THOC2: variants seen among roughly 807,000 people sequenced by gnomAD.
THOC2 encodes THO complex subunit 2, also known as THO complex 2.
In THOC2, 10 loss-of-function variants were observed where a neutral mutation model predicts 128.4. That is an observed-to-expected ratio of 0.08 (90% CI 0.05 to 0.13). THOC2 has a LOEUF of 0.13. THOC2 is among the 10% of genes least tolerant of loss of function. The probability of loss-of-function intolerance (pLI) is 1.00; values close to 1 mark genes in which losing one functional copy is unlikely to be tolerated. For missense variants in THOC2, 535 were observed against 1,155.7 expected (o/e 0.46, Z 7.79); for synonymous variants, 393 against 396.9 (o/e 0.99, Z 0.12).
At chrX:123,727,551 T>G (rs1370389916) in intron 1 of THOC2, among the ~76,000 whole-genome samples, 2 of 112,565 alleles carry the variant, frequency 1.8e-5, no homozygotes, top group African/African-American at 6.5e-5. Flanking sequence ...TTGAAATTAT[T>G]TTAATCCCTT....
At chrX:123,618,463 T>C (rs1481413562) in intron 33 of THOC2, among the ~76,000 whole-genome samples, 1 of 111,941 alleles carries the variant, frequency 8.9e-6, no homozygotes, top group African/African-American at 3.2e-5. Flanking sequence ...TATAAATCTA[T>C]ACATCTAAAA....
chrX:123,684,515 T>C (rs1386287983), intron 8 of THOC2, among the ~76,000 whole-genome samples: 1 of 111,258 alleles, frequency 9.0e-6, no homozygotes, highest in East Asian at 2.8e-4. Context: ...TCCCGAGTAG[T>C]GGGGATTACA....
chrX:123,680,579 C>T (rs139075752), intron 8 of THOC2, among the ~76,000 whole-genome samples: 1,547 of 110,411 alleles, frequency 0.014, 35 homozygotes, highest in East Asian at 0.089. Flanking sequence ...CCAAGTCTCT[C>T]GTTCCACCTA....
chrX:123,659,320 C>T (rs2048733435), intron 12 of THOC2, among the ~76,000 whole-genome samples: 1 of 112,847 alleles, frequency 8.9e-6, no homozygotes, highest in East Asian at 2.8e-4. Flanking sequence ...CGCCTGTAAT[C>T]CCAGCACTTT....
chrX:123,600,857 G>A lies in THOC2; in HGVS notation c.*500C>T, dbSNP rs1188067662. 1 of 112,276 alleles carries A rather than the reference G, an allele frequency of 8.9e-6. No individual in the cohort carries two copies. Among genetic ancestry groups the A allele is most frequent in the Non-Finnish European group, 1.9e-5 (1 of 53,163 alleles). The allele number at this position is 112,276 out of a possible 1,213,427, so 9.3% of individuals were successfully genotyped here. The stretch of plus-strand genomic sequence containing the variant: ...ATGTACTATATAAAATGATTCCTAA[G>A]CATTTCATAAGACAATGCTCCCACT... On this transcript the variant is annotated 3_prime_UTR_variant, in exon 39 of 39. Coordinates refer to ENST00000245838, the MANE Select transcript of THOC2 (RefSeq NM_001081550.2).
At chrX:123,607,216 G>C (rs1162618325) in intron 38 of THOC2, among the ~76,000 whole-genome samples, 1 of 111,037 alleles carries the variant, frequency 9.0e-6, no homozygotes, top group Non-Finnish European at 1.9e-5. Flanking sequence ...AAAAACAGAA[G>C]ACGAGAAAAG....
intron 12 of THOC2, among the ~76,000 whole-genome samples, chrX:123,665,433 G>A (rs886130040): frequency 4.5e-5 from 5 of 111,199 alleles, no homozygotes; most frequent in African/African-American, 9.8e-5. Flanking sequence ...GCACAATGAC[G>A]AATCACCTAA....
intron 22 of THOC2, among the ~76,000 whole-genome samples, chrX:123,629,159 CTA>C (rs1473417994): frequency 1.0e-5 from 1 of 98,401 alleles, no homozygotes; most frequent in Non-Finnish European, 2.0e-5. Context: ...TCTATATATT[CTA>C]TATATATGAA....
chrX:123,609,895 G>C (rs1182259187), intron 38 of THOC2, among the ~76,000 whole-genome samples: 1 of 110,366 alleles, frequency 9.1e-6, no homozygotes, highest in South Asian at 3.9e-4. Flanking sequence ...CGGGCGCGGT[G>C]GCAGGCGCCT....
chrX:123,653,584 C>A (rs1273158883), intron 12 of THOC2, among the ~76,000 whole-genome samples: 16 of 109,594 alleles, frequency 1.5e-4, no homozygotes, highest in African/African-American at 2.0e-4. Flanking sequence ...AAAAAAAAAA[C>A]CCATCAAAAA....
intron 36 of THOC2, among the ~76,000 whole-genome samples, 188 bp downstream of exon 36, chrX:123,613,211 C>T (rs754379590): frequency 1.8e-5 from 2 of 110,965 alleles, no homozygotes; most frequent in African/African-American, 6.5e-5. Context: ...ACTCTACCCT[C>T]CTGGTAATCT....
intron 22 of THOC2, among the ~76,000 whole-genome samples, chrX:123,628,747 A>G (rs1285401698): frequency 9.1e-6 from 1 of 110,255 alleles, no homozygotes; most frequent in Non-Finnish European, 1.9e-5. Context: ...AGCTGGATCA[A>G]CACTAAGAAA....
intron 25 of THOC2, 140 bp downstream of exon 25, chrX:123,625,772 G>T: frequency 3.3e-6 from 2 of 612,556 alleles, no homozygotes; most frequent in Non-Finnish European, 5.2e-6. Context: ...CAGCTAGAAA[G>T]TAGTAGAGCT....
At chrX:123,648,206 C>T (rs1232637508) in intron 12 of THOC2, among the ~76,000 whole-genome samples, 1 of 111,569 alleles carries the variant, frequency 9.0e-6, no homozygotes, top group East Asian at 2.8e-4. Context: ...TGCAAGGGGT[C>T]GGGGAACTCT....
At chrX:123,606,434 A>G (rs999780251) in intron 38 of THOC2, among the ~76,000 whole-genome samples, 42 of 110,501 alleles carry the variant, frequency 3.8e-4, no homozygotes, top group African/African-American at 1.3e-3. Flanking sequence ...TATACTGAAA[A>G]TACAAAAAAA....
At position 123,634,139 on chromosome X, in the gene THOC2, A is replaced by G. The variant is rs769526130; in HGVS notation, c.2019-69T>C. The G allele has an allele frequency of 7.5e-5, 44 of 589,487 alleles. No individual in the cohort carries two copies. In the Admixed American group the frequency reaches 1.5e-3, roughly 19 times the overall value. 48.6% of individuals were successfully genotyped at this position (589,487 alleles called of 1,213,427 possible). A position where few individuals can be genotyped will look rare whatever the true frequency, so the allele number is the denominator to read the frequency against. On this transcript the variant is annotated intron_variant, in intron 19 of 38. Coordinates refer to ENST00000245838, the MANE Select transcript of THOC2 (RefSeq NM_001081550.2). Reference sequence around the variant, plus strand: ...AATATAAAAGTAACAATGTATTGTAATTAATATACTGAGAAACCCTTAATT... The same window carrying G: ...AATATAAAAGTAACAATGTATTGTAGTTAATATACTGAGAAACCCTTAATT...
intron 16 of THOC2, among the ~76,000 whole-genome samples, chrX:123,639,342 G>T (rs1292572752): frequency 9.0e-6 from 1 of 111,643 alleles, no homozygotes; most frequent in Non-Finnish European, 1.9e-5. Context: ...CCTTTGGGCG[G>T]TATGGACATT....
chrX:123,638,790 ACACAC>A, intron 17 of THOC2, 139 bp downstream of exon 17: 1 of 417,340 alleles, frequency 2.4e-6, no homozygotes, highest in Non-Finnish European at 4.2e-6. Context: ...ACACACACAC[ACACAC>A]AATTGACTGA....
intron 12 of THOC2, among the ~76,000 whole-genome samples, chrX:123,659,441 C>T (rs559617507): frequency 2.7e-5 from 3 of 112,149 alleles, no homozygotes; most frequent in African/African-American, 6.5e-5. Context: ...CACGGTGGCG[C>T]GTGCCTGTAG....
Sources: allele counts gnomAD v4.1 joint callset (sites outside exome capture counted in the v4.1 genomes callset), GRCh38; gene constraint gnomAD v4.1.1; transcripts MANE v1.5; gene names NCBI Gene and HGNC (gene_info 2026-07-23, HGNC 2026-07-21).